The following NAA60 variants were observed in gnomAD, a reference collection of about 807,000 sequenced individuals.
NAA60 encodes the protein N-alpha-acetyltransferase 60.
Under a neutral mutation model 26.1 loss-of-function variants are expected in NAA60, and 8 were observed. That is an observed-to-expected ratio of 0.31 (90% CI 0.18 to 0.55). The LOEUF is 0.55. Ranked by LOEUF, NAA60 falls within the 20% of genes least tolerant of loss-of-function variation. The pLI, the probability that NAA60 is intolerant of heterozygous loss-of-function variation, is 0.93. For synonymous variants in NAA60, 131 were observed against 122.5 expected, an observed-to-expected ratio of 1.07 and a Z score of -0.46; for missense variants, 290 against 311.3, an observed-to-expected ratio of 0.93 and a Z score of 0.51.
chr16:3,459,101 G>T (rs1054336853), intron 2 of NAA60, among the ~76,000 whole-genome samples: 2 of 152,206 alleles, frequency 1.3e-5, no homozygotes, highest in Non-Finnish European at 2.9e-5. Context: ...AAGGTTAACA[G>T]CCCAACAGAG....
At chr16:3,469,926 C>T (rs147515313) in intron 2 of NAA60, among the ~76,000 whole-genome samples, 1,661 of 152,310 alleles carry the variant, frequency 0.011, 107 homozygotes, top group Admixed American at 0.1. Flanking sequence ...CCATACCTGC[C>T]GCGTGTCTGT....
intron 2 of NAA60, 74 bp downstream of exon 2, chr16:3,448,614 C>A: frequency 1.6e-6 from 2 of 1,222,700 alleles, no homozygotes; most frequent in Non-Finnish European, 2.3e-6. Flanking sequence ...AAGTGAAATC[C>A]ATTTTTGACC....
At chr16:3,458,599 C>T (rs528122069) in intron 2 of NAA60, among the ~76,000 whole-genome samples, 3 of 152,160 alleles carry the variant, frequency 2.0e-5, no homozygotes, top group Admixed American at 6.5e-5. Context: ...GCCTTCGCCC[C>T]GCTCTCGCCT....
chr16:3,447,547 C>G (rs993817379), intron 1 of NAA60: 3 of 985,172 alleles, frequency 3.0e-6, no homozygotes, highest in Non-Finnish European at 2.4e-6. Context: ...CCGCCTTTAC[C>G]GTATCCTTCA....
rs2036668399 is a variant in NAA60 at position 3,479,123 on chromosome 16, C to A, written c.111-348C>A. 2.0e-5 allele frequency among the ~76,000 whole-genome samples: 3 copies of A among 151,968 alleles called. No homozygotes were observed. In the South Asian group the frequency reaches 6.2e-4, roughly 32 times the overall value. On this transcript the variant is annotated intron_variant, in intron 3 of 7. Coordinates refer to ENST00000407558, the MANE Select transcript of NAA60 (RefSeq NM_001083601.3). ...GGCGTGGTGGCACATACCTGTAATC[C>A]CAGCTACTCGGGAGACCGAAGCAGG...
Position 3,482,555 on chromosome 16 carries a change from C to T in NAA60, c.294C>T (p.Ile98=). 6.2e-7 allele frequency: 1 copy of T among 1,609,648 alleles called. No homozygotes were observed. Among genetic ancestry groups the T allele is most frequent in the Non-Finnish European group, 8.5e-7 (1 of 1,178,022 alleles). ...CTGTTGACACACAAGTCGCGTACAT[C>T]CTAAGTCTGGGCGTCGTGAAAGAGT... The part of the protein sequence containing the change: ...NFSVDTQVAY[I]LSLGVVKEFR... Residue 98 remains isoleucine (I), a synonymous_variant, in exon 5 of 8, where the codon ATC becomes ATT. Transcript: ENST00000407558.
At chr16:3,473,447 T>C (rs544719652) in intron 2 of NAA60, among the ~76,000 whole-genome samples, 3 of 152,286 alleles carry the variant, frequency 2.0e-5, no homozygotes, top group Admixed American at 1.3e-4. Context: ...GTGGGACTTA[T>C]TCACTACCAC....
chr16:3,480,813 C>T (rs1273123549), intron 4 of NAA60, among the ~76,000 whole-genome samples: 2 of 152,006 alleles, frequency 1.3e-5, no homozygotes, highest in South Asian at 2.1e-4. Context: ...GGCTGAGGCA[C>T]AAGAATCACT....
At chr16:3,472,712 C>CA (rs1281502901) in intron 2 of NAA60, among the ~76,000 whole-genome samples, 1 of 152,196 alleles carries the variant, frequency 6.6e-6, no homozygotes, top group Admixed American at 6.5e-5. Context: ...GGATTACAGG[C>CA]ATGAGCCACC....
Position 3,443,857 on chromosome 16 carries a change from C to A in NAA60, c.-77+20C>A, listed in dbSNP as rs1307107950. On this transcript the variant is annotated intron_variant, in intron 1 of 7. Transcript: ENST00000407558. Reference sequence around the variant, plus strand: ...CAAAATGTGGGTTCGGCCAACAGTGCCCTGTAGGCCTGAAATTTCGGTCTG... The same window carrying A: ...CAAAATGTGGGTTCGGCCAACAGTGACCTGTAGGCCTGAAATTTCGGTCTG... 2 of 1,528,584 alleles carry A rather than the reference C, an allele frequency of 1.3e-6. No homozygotes were observed. Among genetic ancestry groups the A allele is most frequent in the Admixed American group, 2.0e-5 (1 of 50,130 alleles). The allele number at this position is 1,528,584 out of a possible 1,614,324, so 94.7% of individuals were successfully genotyped here. A position where few individuals can be genotyped will look rare whatever the true frequency, so the allele number is the denominator to read the frequency against.
At chr16:3,472,220 C>T (rs555120584) in intron 2 of NAA60, 1 of 152,314 alleles carries the variant, frequency 6.6e-6, no homozygotes, top group South Asian at 2.1e-4. Context: ...GTGCCCAGGA[C>T]CCACCGTTCC....
chr16:3,474,413 G>A (rs2036343849), intron 2 of NAA60, among the ~76,000 whole-genome samples: 1 of 152,196 alleles, frequency 6.6e-6, no homozygotes, highest in African/African-American at 2.4e-5. Flanking sequence ...CCTGGGGAGG[G>A]GCCTAGCTAT....
At chr16:3,484,357 C>T (rs1387055359) in intron 6 of NAA60, among the ~76,000 whole-genome samples, 1 of 152,174 alleles carries the variant, frequency 6.6e-6, no homozygotes, top group Admixed American at 6.5e-5. Context: ...GTCCCTCTTG[C>T]TGCCACAAAG....
At chr16:3,468,165 A>G (rs1280685408) in intron 2 of NAA60, 1 of 152,216 alleles carries the variant, frequency 6.6e-6, no homozygotes, top group Admixed American at 6.5e-5. Context: ...GCTGAAGTGA[A>G]ATTACAAAGT....
intron 2 of NAA60, among the ~76,000 whole-genome samples, chr16:3,468,814 G>T (rs920026823): frequency 1.3e-5 from 2 of 152,224 alleles, no homozygotes; most frequent in Non-Finnish European, 2.9e-5. Context: ...GGTAGCTCAT[G>T]CCTGTAATCC....
chr16:3,474,242 C>T (rs250630), intron 2 of NAA60, among the ~76,000 whole-genome samples: 56,641 of 152,100 alleles, frequency 0.37, 11,196 homozygotes, highest in African/African-American at 0.51. Context: ...GACGTCAGTG[C>T]TGGCCCTGTC....
intron 4 of NAA60, among the ~76,000 whole-genome samples, chr16:3,480,174 G>A (rs1459432949): frequency 6.6e-6 from 1 of 152,196 alleles, no homozygotes. Flanking sequence ...TCAAGATTCT[G>A]TGTGATGATG....
intron 2 of NAA60, among the ~76,000 whole-genome samples, chr16:3,459,318 A>G (rs918675972): frequency 1.3e-5 from 2 of 150,828 alleles, no homozygotes; most frequent in Non-Finnish European, 3.0e-5. Context: ...TAGAAATTCT[A>G]TGATATATGG....
At chr16:3,451,121 C>T (rs547716104) in intron 2 of NAA60, among the ~76,000 whole-genome samples, 1 of 152,284 alleles carries the variant, frequency 6.6e-6, no homozygotes, top group African/African-American at 2.4e-5. Context: ...CTTGTAATCA[C>T]GTAACTCCTC....
Sources: allele counts gnomAD v4.1 joint callset (sites outside exome capture counted in the v4.1 genomes callset), GRCh38; gene constraint gnomAD v4.1.1; transcripts MANE v1.5; gene names NCBI Gene and HGNC (gene_info 2026-07-23, HGNC 2026-07-21).